CFAP44: variants seen among roughly 807,000 people sequenced by gnomAD.
CFAP44 encodes the protein cilia- and flagella-associated protein 44.
CFAP44 carries 134 observed loss-of-function variants against 216.2 expected under a neutral mutation model. The ratio of observed to expected loss-of-function variants is 0.62; its 90% CI spans 0.54 to 0.72. The LOEUF (loss-of-function observed/expected upper bound fraction) is 0.72, where lower values mean the gene tolerates loss of function less well. Among genes scored for constraint, CFAP44 ranks in the 30% least tolerant of loss-of-function variants. CFAP44 has a pLI of 0.00. For synonymous variants in CFAP44, 700 were observed against 727.6 expected, an observed-to-expected ratio of 0.96 and a Z score of 0.61; for missense variants, 2,035 against 2,182.1, an observed-to-expected ratio of 0.93 and a Z score of 1.34.
chr3:113,301,503 T>C (rs1256606780), intron 32 of CFAP44, among the ~76,000 whole-genome samples: 2 of 152,160 alleles, frequency 1.3e-5, no homozygotes, highest in Non-Finnish European at 2.9e-5. Context: ...GTTCCACATA[T>C]CAAATATTAC....
At chr3:113,321,968 T>C (rs1290475109) in intron 28 of CFAP44, among the ~76,000 whole-genome samples, 1 of 152,186 alleles carries the variant, frequency 6.6e-6, no homozygotes, top group Non-Finnish European at 1.5e-5. Context: ...TCAATGCTAC[T>C]CCTATCAAAT....
At position 113,306,218 on chromosome 3, in the gene CFAP44, C is replaced by A; in HGVS notation, c.4741G>T (p.Asp1581Tyr). The A allele has an allele frequency of 6.5e-7, 1 of 1,536,536 alleles. No homozygotes were observed. The highest frequency in any genetic ancestry group is 1.2e-5 in the South Asian group (1 of 83,810). ...CACCATACTTTTTTTGACAATGTAT[C>A]ATATTCCTTTTTGAGGTTATCAACA... is the stretch of plus-strand genomic sequence containing the variant. ...KIVDNLKKEY[D>Y]TLSKKVKIVA... Residue 1581 changes from aspartate to tyrosine, a missense_variant, in exon 30 of 35, where the codon GAT (aspartate) becomes TAT (tyrosine). Asp to Tyr is a radical substitution (Grantham distance 160, BLOSUM62 -3). Around this residue, in one of 3 missense-constraint regions of CFAP44, gnomAD observed 1,883 missense variants for 2,023.7 expected, o/e 0.93. Coordinates refer to ENST00000393845, the MANE Select transcript of CFAP44 (RefSeq NM_001164496.2).
chr3:113,393,613 T>C (rs752417003), intron 15 of CFAP44, among the ~76,000 whole-genome samples: 9 of 152,162 alleles, frequency 5.9e-5, no homozygotes, highest in Non-Finnish European at 8.8e-5. Context: ...CACTGCAGCC[T>C]CAAGCGATCC....
At chr3:113,301,027 T>C (rs1218836641) in intron 32 of CFAP44, among the ~76,000 whole-genome samples, 1 of 152,116 alleles carries the variant, frequency 6.6e-6, no homozygotes, top group Non-Finnish European at 1.5e-5. Flanking sequence ...TTAGAAACTC[T>C]TGTAAACATA....
intron 32 of CFAP44, among the ~76,000 whole-genome samples, chr3:113,302,959 A>G (rs1949952873): frequency 6.6e-6 from 1 of 152,192 alleles, no homozygotes; most frequent in South Asian, 2.1e-4. Flanking sequence ...TAAAATAAAT[A>G]AATGGCAAAT....
intron 6 of CFAP44, among the ~76,000 whole-genome samples, chr3:113,413,529 CTTGAG>C (rs1173676031): frequency 2.0e-5 from 3 of 152,150 alleles, no homozygotes; most frequent in African/African-American, 4.8e-5. Flanking sequence ...TTTAATCCAT[CTTGAG>C]TTAATTTTTG....
In CFAP44 at chr3:113,290,059, G is replaced by C. The variant is rs2107782623; in HGVS notation, c.*1498C>G. 1 of 152,246 alleles carries C rather than the reference G, an allele frequency of 6.6e-6. No individual in the cohort carries two copies. Among genetic ancestry groups the C allele is most frequent in the Middle Eastern group, 3.4e-3 (1 of 294 alleles). The allele number at this position is 152,246 out of a possible 1,614,324, so 9.4% of individuals were successfully genotyped here. On this transcript the variant is annotated 3_prime_UTR_variant, in exon 35 of 35. Transcript: ENST00000393845. ...CACTCCTGGGTGAGATCACAAGTTT[G>C]TTGTTTCAAGCTAAGTTTGGGGGTA...
chr3:113,330,376 A>G lies in CFAP44; in HGVS notation c.3908T>C (p.Val1303Ala), dbSNP rs1323637584. 2 of 1,537,286 alleles carry G rather than the reference A, an allele frequency of 1.3e-6. No homozygotes were observed. The highest frequency in any genetic ancestry group is 1.2e-5 in the South Asian group (1 of 84,062). ...GVEQTGSGGP[V>A]GGFLKLSSRK... ...AGAAGAGAGTTTGAGGAATCCTCCA[A>G]CTGGGCCTCCAGACCCTGTCTGTTC... Residue 1303 changes from valine to alanine, a missense_variant, in exon 26 of 35, where the codon GTT becomes GCT. Coordinates refer to ENST00000393845, the MANE Select transcript of CFAP44 (RefSeq NM_001164496.2).
At chr3:113,304,338 A>T (rs1278748005) in intron 31 of CFAP44, 1 of 561,508 alleles carries the variant, frequency 1.8e-6, no homozygotes, top group Non-Finnish European at 3.2e-6. Context: ...AAATCCTCCC[A>T]CACAGATCAT....
At chr3:113,308,359 G>T in intron 28 of CFAP44, 91 bp from the exon 29 acceptor site, 2 of 1,035,460 alleles carry the variant, frequency 1.9e-6, no homozygotes, top group Non-Finnish European at 2.7e-6. Flanking sequence ...CAATGAGTTA[G>T]TCACTAGAAA....
intron 18 of CFAP44, among the ~76,000 whole-genome samples, chr3:113,372,731 TA>T (rs928922777): frequency 6.4e-4 from 96 of 150,104 alleles, no homozygotes; most frequent in Non-Finnish European, 9.8e-4. Flanking sequence ...AGTATAATAA[TA>T]AAAAAAAAGA....
At chr3:113,373,717 A>G (rs76509122) in intron 17 of CFAP44, among the ~76,000 whole-genome samples, 161 bp from the exon 18 acceptor site, 4,373 of 152,294 alleles carry the variant, frequency 0.029, 107 homozygotes, top group East Asian at 0.1. Flanking sequence ...ATTTCTATAA[A>G]GCATCTCCTT....
rs1950200139 is a variant in CFAP44, at chr3:113,327,671, T to C, written c.4265A>G (p.Glu1422Gly). 1 of 1,537,058 alleles carries C rather than the reference T, an allele frequency of 6.5e-7. No individual in the cohort carries two copies. Among genetic ancestry groups the C allele is most frequent in the African/African-American group, 1.4e-5 (1 of 73,166 alleles). Residue 1422 changes from glutamate to glycine, a missense_variant, in exon 27 of 35, where the codon GAG becomes GGG. Glu to Gly is a moderately conservative substitution (Grantham distance 98, BLOSUM62 -2). Transcript: ENST00000393845. ...ILLLKNFEKQ[E>G]NILQERVNSL... ...ATTAACACGTTCTTGAAGTATGTTC[T>C]CCTGTTTTTCAAAATTCTTCAGGAG...
chr3:113,436,335 C>T (rs912831842), intron 1 of CFAP44, among the ~76,000 whole-genome samples: 1 of 152,082 alleles, frequency 6.6e-6, no homozygotes, highest in Non-Finnish European at 1.5e-5. Context: ...TAGATACACA[C>T]ACACCTAAAT....
chr3:113,362,928 G>A, intron 21 of CFAP44: 1 of 1,287,584 alleles, frequency 7.8e-7, no homozygotes, highest in Non-Finnish European at 9.8e-7. Flanking sequence ...AACAGTTGAT[G>A]TAAAACAATT....
chr3:113,381,146 C>T, intron 15 of CFAP44, 86 bp from the exon 16 acceptor site: 1 of 970,054 alleles, frequency 1.0e-6, no homozygotes, highest in South Asian at 2.7e-5. Flanking sequence ...AATATAATTA[C>T]TATGTATATT....
chr3:113,372,494 C>T (rs941829259), intron 18 of CFAP44, among the ~76,000 whole-genome samples: 5 of 152,156 alleles, frequency 3.3e-5, no homozygotes, highest in African/African-American at 1.2e-4. Flanking sequence ...AAACCAAGCA[C>T]CACATATTCT....
At chr3:113,409,419 T>G in intron 6 of CFAP44, 97 bp from the exon 7 acceptor site, 1 of 1,083,042 alleles carries the variant, frequency 9.2e-7, no homozygotes, top group Non-Finnish European at 1.3e-6. Context: ...CCCATGGTGA[T>G]GTAAGAATGC....
rs1933195555 is a variant in CFAP44, at chr3:113,372,354, A to T, written c.2444+1057T>A. Among the ~76,000 whole-genome samples, 4 of 152,230 alleles carry T rather than the reference A, an allele frequency of 2.6e-5. No homozygotes were observed. The South Asian group carries it at 8.3e-4, about 32-fold the overall frequency. ...CAAATGTCCATCAATGATAGACTGG[A>T]TTAAGAAAATGTGGCACATATACAC... is the stretch of plus-strand genomic sequence containing the variant. On this transcript the variant is annotated intron_variant, in intron 18 of 34. Coordinates refer to ENST00000393845, the MANE Select transcript of CFAP44 (RefSeq NM_001164496.2).
Sources: gnomAD v4.1 joint callset for allele counts (sites outside exome capture counted in the v4.1 genomes callset) on GRCh38, gnomAD v4.1.1 for gene constraint, gnomAD v4.1.1 regional missense constraint, MANE v1.5 for transcripts, NCBI Gene and HGNC (gene_info 2026-07-23, HGNC 2026-07-21) for gene names.